The following DPYD variants were observed in gnomAD, a reference collection of about 807,000 sequenced individuals.
The protein encoded by DPYD is dihydropyrimidine dehydrogenase [NADP(+)].
A neutral mutation model predicts 116.2 loss-of-function variants in DPYD; 109 were observed. The observed-to-expected ratio is 0.94, with a 90% CI of 0.80 to 1.10. DPYD has a LOEUF of 1.10. Among genes scored for constraint, DPYD ranks in the 50% least tolerant of loss-of-function variants. The pLI is 0.00. For synonymous variants in DPYD, 440 were observed against 432.0 expected (o/e 1.02, Z -0.23); for missense variants, 1,302 against 1,254.5 (o/e 1.04, Z -0.57).
At chr1:97,342,353 A>T (rs1480066768) in intron 16 of DPYD, among the ~76,000 whole-genome samples, 2 of 152,186 alleles carry the variant, frequency 1.3e-5, no homozygotes, top group African/African-American at 4.8e-5. Flanking sequence ...ATGGTATTTC[A>T]GTGAATAAGA....
At chr1:97,657,920 C>G (rs1659034301) in intron 8 of DPYD, among the ~76,000 whole-genome samples, 2 of 152,116 alleles carry the variant, frequency 1.3e-5, no homozygotes, top group Non-Finnish European at 2.9e-5. Context: ...TTAAAGCAAA[C>G]AGCAGCTTTT....
chr1:97,273,513 T>C (rs1011511742), intron 18 of DPYD, among the ~76,000 whole-genome samples: 18 of 152,184 alleles, frequency 1.2e-4, no homozygotes, highest in African/African-American at 4.1e-4. Flanking sequence ...TGTAAATCTT[T>C]GCTTTTGTGT....
chr1:97,550,979 G>T (rs1651276280), intron 11 of DPYD, among the ~76,000 whole-genome samples: 1 of 152,140 alleles, frequency 6.6e-6, no homozygotes, highest in Non-Finnish European at 1.5e-5. Context: ...GTTTACTGTT[G>T]ATTGTGTTTT....
intron 3 of DPYD, among the ~76,000 whole-genome samples, chr1:97,749,913 C>T (rs961805142): frequency 2.6e-5 from 4 of 152,024 alleles, no homozygotes; most frequent in Non-Finnish European, 5.9e-5. Context: ...TCTTATTTCA[C>T]CTGGACCATT....
intron 5 of DPYD, among the ~76,000 whole-genome samples, chr1:97,699,942 C>A (rs1661503743): frequency 6.6e-6 from 1 of 152,072 alleles, no homozygotes; most frequent in Non-Finnish European, 1.5e-5. Flanking sequence ...CATGTAAACA[C>A]ATTACCCTTG....
chr1:97,079,644 A>C (rs1336232632), intron 22 of DPYD, among the ~76,000 whole-genome samples: 1 of 152,160 alleles, frequency 6.6e-6, no homozygotes, highest in Non-Finnish European at 1.5e-5. Flanking sequence ...GCAGAAGAAA[A>C]AAATTAGCTT....
At chr1:97,334,475 C>CAAACAAAA (rs1243059156) in intron 16 of DPYD, among the ~76,000 whole-genome samples, 1 of 151,768 alleles carries the variant, frequency 6.6e-6, no homozygotes, top group Non-Finnish European at 1.5e-5. Flanking sequence ...AACAAACAAA[C>CAAACAAAA]AAAACAATAG....
intron 13 of DPYD, among the ~76,000 whole-genome samples, chr1:97,494,167 G>C (rs1272208253): frequency 1.3e-5 from 2 of 152,112 alleles, no homozygotes; most frequent in African/African-American, 4.8e-5. Flanking sequence ...CTGGTATACA[G>C]ATAACTCTAA....
At chr1:97,835,915 C>T (rs75154502) in intron 2 of DPYD, among the ~76,000 whole-genome samples, 75 of 152,200 alleles carry the variant, frequency 4.9e-4, no homozygotes, top group African/African-American at 1.6e-3. Context: ...ACCAGGGAAG[C>T]CTGCTCACCT....
At chr1:97,741,780 T>G (rs906964783) in intron 3 of DPYD, among the ~76,000 whole-genome samples, 1 of 152,090 alleles carries the variant, frequency 6.6e-6, no homozygotes, top group Non-Finnish European at 1.5e-5. Flanking sequence ...CACTGGTCAA[T>G]GTGGTCAATG....
At chr1:97,766,213 C>A (rs1231606351) in intron 3 of DPYD, among the ~76,000 whole-genome samples, 3 of 152,108 alleles carry the variant, frequency 2.0e-5, no homozygotes, top group Middle Eastern at 3.4e-3. Context: ...TGCACTCCAG[C>A]CTAGGCAACA....
At chr1:97,768,607 T>C (rs936278977) in intron 3 of DPYD, among the ~76,000 whole-genome samples, 4 of 152,196 alleles carry the variant, frequency 2.6e-5, no homozygotes, top group African/African-American at 7.2e-5. Context: ...TGAACAGTTA[T>C]TGTGATGTGA....
intron 5 of DPYD, chr1:97,700,329 T>C (rs1199147687): frequency 6.6e-6 from 3 of 453,230 alleles, no homozygotes; most frequent in Non-Finnish European, 1.3e-5. Flanking sequence ...TACAGAAGAG[T>C]GAGATTAATT....
chr1:97,909,329 T>C (rs1229840284), intron 1 of DPYD, among the ~76,000 whole-genome samples: 1 of 152,038 alleles, frequency 6.6e-6, no homozygotes, highest in Non-Finnish European at 1.5e-5. Flanking sequence ...ACCAAAAGAA[T>C]CCCTTTATAC....
intron 18 of DPYD, among the ~76,000 whole-genome samples, chr1:97,289,861 T>G (rs1666010800): frequency 6.6e-6 from 1 of 150,558 alleles, no homozygotes; most frequent in Non-Finnish European, 1.5e-5. Flanking sequence ...GAGAATGAAA[T>G]AAAGGGTATT....
intron 3 of DPYD, among the ~76,000 whole-genome samples, chr1:97,814,736 T>A (rs1278528029): frequency 2.6e-5 from 4 of 151,766 alleles, no homozygotes; most frequent in Non-Finnish European, 5.9e-5. Flanking sequence ...AAACCCCGTA[T>A]CCACTAAAAA....
intron 8 of DPYD, among the ~76,000 whole-genome samples, chr1:97,656,408 T>C (rs1423083508): frequency 6.6e-6 from 1 of 152,174 alleles, no homozygotes; most frequent in African/African-American, 2.4e-5. Context: ...ACACTCTTCA[T>C]AAATTCCCTA....
intron 3 of DPYD, among the ~76,000 whole-genome samples, chr1:97,818,272 A>C (rs187709261): frequency 3.9e-4 from 60 of 152,158 alleles, no homozygotes; most frequent in African/African-American, 1.4e-3. Context: ...CCTAGTACCT[A>C]CTAGGCACCA....
At chr1:97,120,368 G>C (rs775408012) in intron 20 of DPYD, among the ~76,000 whole-genome samples, 1 of 151,956 alleles carries the variant, frequency 6.6e-6, no homozygotes, top group African/African-American at 2.4e-5. Context: ...TCCTTTCAGC[G>C]CCTTTGCCAC....
Sources: gnomAD v4.1 joint callset for allele counts (sites outside exome capture counted in the v4.1 genomes callset) on GRCh38, gnomAD v4.1.1 for gene constraint, MANE v1.5 for transcripts, NCBI Gene and HGNC (gene_info 2026-07-23, HGNC 2026-07-21) for gene names.